The following METTL15 variants were observed in gnomAD, a reference collection of about 807,000 sequenced individuals.
METTL15 encodes 12S rRNA N(4)-cytidine methyltransferase METTL15.
A neutral mutation model predicts 38.3 loss-of-function variants in METTL15; 34 were observed. The ratio of observed to expected loss-of-function variants is 0.89; its 90% CI spans 0.68 to 1.18. The LOEUF (loss-of-function observed/expected upper bound fraction) is 1.18. Ranked by LOEUF, METTL15 falls within the 50% of genes most tolerant of loss-of-function variation. The probability of loss-of-function intolerance (pLI) is 0.00; values close to 1 mark genes in which losing one functional copy is unlikely to be tolerated. For missense variants in METTL15, 438 were observed against 498.4 expected, an observed-to-expected ratio of 0.88 and a Z score of 1.15; for synonymous variants, 162 against 170.9, an observed-to-expected ratio of 0.95 and a Z score of 0.41.
At chr11:28,208,668 T>G (rs1852479297) in intron 3 of METTL15, among the ~76,000 whole-genome samples, 1 of 152,194 alleles carries the variant, frequency 6.6e-6, no homozygotes, top group Non-Finnish European at 1.5e-5. Flanking sequence ...GTATCCTTGT[T>G]AACTTTTTGT....
At chr11:28,507,063 A>G (rs569371180) in intron 6 of METTL15, among the ~76,000 whole-genome samples, 1 of 152,180 alleles carries the variant, frequency 6.6e-6, no homozygotes, top group African/African-American at 2.4e-5. Flanking sequence ...TTTTTAACAC[A>G]GTGTTTCAGC....
At chr11:28,510,605 A>G (rs1437858298) in intron 6 of METTL15, among the ~76,000 whole-genome samples, 1 of 152,222 alleles carries the variant, frequency 6.6e-6, no homozygotes, top group Non-Finnish European at 1.5e-5. Context: ...TGATTACCAC[A>G]TGAAGTATAT....
intron 6 of METTL15, chr11:28,328,271 TG>T (rs1590330062): frequency 9.1e-7 from 1 of 1,097,504 alleles, no homozygotes; most frequent in Non-Finnish European, 1.3e-6. Context: ...TCCAGACTTT[TG>T]GCAAAGTAAT....
intron 6 of METTL15, among the ~76,000 whole-genome samples, chr11:28,446,089 C>T (rs1159266640): frequency 6.6e-6 from 1 of 152,056 alleles, no homozygotes; most frequent in African/African-American, 2.4e-5. Context: ...CAAGAATTCT[C>T]GATATAGCAG....
chr11:28,509,099 G>T (rs1005592505), intron 6 of METTL15, among the ~76,000 whole-genome samples: 2 of 152,176 alleles, frequency 1.3e-5, no homozygotes, highest in African/African-American at 4.8e-5. Context: ...TGTGGCACAG[G>T]TTTGCAATTT....
At chr11:28,153,045 A>T (rs1850146443) in intron 3 of METTL15, among the ~76,000 whole-genome samples, 1 of 151,966 alleles carries the variant, frequency 6.6e-6, no homozygotes, top group South Asian at 2.1e-4. Flanking sequence ...ATTAGCATAT[A>T]ATGTGCAGTG....
intron 3 of METTL15, among the ~76,000 whole-genome samples, chr11:28,178,179 CA>C (rs1851147001): frequency 6.6e-6 from 1 of 151,746 alleles, no homozygotes; most frequent in Non-Finnish European, 1.5e-5. Context: ...AGGAATATGC[CA>C]TTATGAATAC....
intron 6 of METTL15, among the ~76,000 whole-genome samples, chr11:28,515,576 A>G (rs867068749): frequency 7.2e-5 from 11 of 152,238 alleles, no homozygotes; most frequent in Non-Finnish European, 1.5e-5. Context: ...TTATTAAAAC[A>G]CAGTTCCAAA....
chr11:28,205,250 T>TC (rs890353792), intron 3 of METTL15, among the ~76,000 whole-genome samples: 13 of 130,550 alleles, frequency 1.0e-4, no homozygotes, highest in African/African-American at 2.5e-4. Context: ...ATGCTATCCC[T>TC]CCCCCCTCCC....
At chr11:28,528,575 A>G (rs1314068565), downstream of METTL15, among the ~76,000 whole-genome samples, 1 of 152,210 alleles carries the variant, frequency 6.6e-6, no homozygotes, top group Non-Finnish European at 1.5e-5. Context: ...TGCAGTGCCA[A>G]CGGTCCAATT....
At chr11:28,126,760 G>A (rs1321086897) in intron 3 of METTL15, among the ~76,000 whole-genome samples, 1 of 152,100 alleles carries the variant, frequency 6.6e-6, no homozygotes, top group East Asian at 1.9e-4. Context: ...CATGGTCTTA[G>A]CCCTTAAGGA....
At chr11:28,116,393 A>G (rs181338288) in intron 3 of METTL15, among the ~76,000 whole-genome samples, 9 of 152,316 alleles carry the variant, frequency 5.9e-5, no homozygotes, top group Admixed American at 5.9e-4. Context: ...CTTATTCTAG[A>G]AGCTACTGTT....
At chr11:28,138,554 T>G (rs866613699) in intron 3 of METTL15, among the ~76,000 whole-genome samples, 22 of 152,138 alleles carry the variant, frequency 1.4e-4, no homozygotes, top group South Asian at 2.1e-4. Flanking sequence ...TCCTACAAAA[T>G]CTAGAATCTT....
chr11:28,431,679 G>A (rs1191939025), intron 6 of METTL15, among the ~76,000 whole-genome samples: 1 of 91,504 alleles, frequency 1.1e-5, no homozygotes, highest in African/African-American at 4.4e-5. Context: ...GAAAACCAGA[G>A]ACCTTTGTTC....
intron 2 of METTL15, 56 bp downstream of exon 2, chr11:28,110,457 G>T (rs764400641): frequency 2.0e-5 from 3 of 152,226 alleles, no homozygotes; most frequent in Admixed American, 6.5e-5. Context: ...CCAAACCTTT[G>T]GGGGTACTCC....
At chr11:28,312,918 T>G (rs1831108634) in intron 6 of METTL15, among the ~76,000 whole-genome samples, 1 of 152,138 alleles carries the variant, frequency 6.6e-6, no homozygotes, top group Admixed American at 6.6e-5. Flanking sequence ...ACATTGGGCA[T>G]TAAGTTTCAA....
intron 3 of METTL15, among the ~76,000 whole-genome samples, chr11:28,133,256 A>T (rs1849398165): frequency 6.6e-6 from 1 of 152,208 alleles, no homozygotes; most frequent in Non-Finnish European, 1.5e-5. Context: ...AGGAGATTGT[A>T]GAATCCTCTA....
chr11:28,379,419 T>G (rs1403966031), intron 5 of METTL15, among the ~76,000 whole-genome samples: 1 of 152,120 alleles, frequency 6.6e-6, no homozygotes, highest in Non-Finnish European at 1.5e-5. Context: ...CAATTTTCAT[T>G]TGTTTTAAGA....
chr11:28,257,620 C>A (rs1362023327), intron 4 of METTL15, among the ~76,000 whole-genome samples: 2 of 152,006 alleles, frequency 1.3e-5, no homozygotes, highest in African/African-American at 4.8e-5. Context: ...ATCAAATAGC[C>A]TGTCTTCAAG....
Sources: allele counts gnomAD v4.1 joint callset (sites outside exome capture counted in the v4.1 genomes callset), GRCh38; gene constraint gnomAD v4.1.1; transcripts MANE v1.5; gene names NCBI Gene and HGNC (gene_info 2026-07-23, HGNC 2026-07-21).